RBL2: variants seen among roughly 807,000 people sequenced by gnomAD.
RBL2 encodes the protein retinoblastoma-like protein 2.
A neutral mutation model predicts 126.0 loss-of-function variants in RBL2; 56 were observed. That is an observed-to-expected ratio of 0.44 (90% CI 0.36 to 0.56). RBL2 has a LOEUF of 0.56. Ranked by LOEUF, RBL2 falls within the 20% of genes least tolerant of loss-of-function variation. The probability of loss-of-function intolerance (pLI) is 0.00; values close to 1 mark genes in which losing one functional copy is unlikely to be tolerated. For missense variants in RBL2, 1,229 were observed against 1,398.2 expected (o/e 0.88, Z 1.93); for synonymous variants, 454 against 478.5 (o/e 0.95, Z 0.67).
At chr16:53,437,400 A>C (rs2057969032) in intron 1 of RBL2, among the ~76,000 whole-genome samples, 1 of 152,126 alleles carries the variant, frequency 6.6e-6, no homozygotes, top group Non-Finnish European at 1.5e-5. Context: ...AAAAAGGAAG[A>C]ATTTCCAGTT....
chr16:53,490,070 C>G (rs1479654827), intron 21 of RBL2, 60 bp from the exon 22 acceptor site: 2 of 1,307,500 alleles, frequency 1.5e-6, no homozygotes, highest in East Asian at 2.4e-5. Flanking sequence ...GATTCTTTGA[C>G]TTAATACTGA....
chr16:53,442,751 CT>C lies in RBL2; in HGVS notation c.467del (p.Phe156SerfsTer6). 6.2e-7 allele frequency: 1 copy of C among 1,613,344 alleles called. No individual in the cohort carries two copies. Among genetic ancestry groups the C allele is most frequent in the Non-Finnish European group, 8.5e-7 (1 of 1,179,336 alleles). ...RERTERLERN[F>X]TVSAVIFKKY... ...AACGTACTGAGAGATTAGAAAGAAA[CT>C]TCACTGTTTCTGCTGTAATTTTTAA... On this transcript the variant is annotated frameshift_variant, in exon 3 of 22. Transcript: ENST00000262133. LOFTEE classifies it high-confidence loss of function.
At chr16:53,478,112 A>C (rs368937615) in intron 17 of RBL2, among the ~76,000 whole-genome samples, 1 of 152,096 alleles carries the variant, frequency 6.6e-6, no homozygotes, top group East Asian at 1.9e-4. Context: ...TTAATACTGG[A>C]TTCTTAGTTT....
Position 53,451,740 on chromosome 16 carries a change from T to G in RBL2, c.675T>G (p.Ser225=), listed in dbSNP as rs201324508. The part of the protein sequence containing the change: ...FPMISDDLVN[S]YHLLLCALDL... ...TGATTAGTGATGATTTGGTCAATTC[T>G]TATCACCTGCTGCTGTGTGCTTTGG... Residue 225 remains serine, a synonymous_variant, in exon 5 of 22, where the codon TCT becomes TCG. Coordinates refer to ENST00000262133, the MANE Select transcript of RBL2 (RefSeq NM_005611.4). 2.5e-6 allele frequency: 4 copies of G among 1,613,636 alleles called. No individual in the cohort carries two copies. The highest frequency in any genetic ancestry group is 3.4e-6 in the Non-Finnish European group (4 of 1,179,592).
intron 17 of RBL2, 114 bp downstream of exon 17, chr16:53,471,036 G>A (rs776373524): frequency 1.8e-5 from 20 of 1,116,130 alleles, no homozygotes; most frequent in Admixed American, 7.7e-5. Context: ...TATTTAAAAT[G>A]CACAACTAAA....
chr16:53,440,612 G>A (rs929295446), intron 2 of RBL2, among the ~76,000 whole-genome samples: 1 of 152,048 alleles, frequency 6.6e-6, no homozygotes, highest in African/African-American at 2.4e-5. Context: ...AGGGTGCAGG[G>A]GCGTGATCTC....
At chr16:53,466,292 A>G (rs2058271793) in intron 13 of RBL2, among the ~76,000 whole-genome samples, 1 of 152,096 alleles carries the variant, frequency 6.6e-6, no homozygotes, top group Non-Finnish European at 1.5e-5. Context: ...CAGTGGTCCA[A>G]CCTTTTTGGC....
At chr16:53,488,808 T>C (rs1961277436) in intron 21 of RBL2, 3 of 151,868 alleles carry the variant, frequency 2.0e-5, no homozygotes, top group Admixed American at 2.0e-4. Context: ...CAGTAAACAG[T>C]GTAAGAAATA....
At chr16:53,451,479 C>T (rs919089054) in intron 4 of RBL2, among the ~76,000 whole-genome samples, 2 of 152,032 alleles carry the variant, frequency 1.3e-5, no homozygotes, top group Non-Finnish European at 2.9e-5. Flanking sequence ...GTACTCCAGC[C>T]TGGGTGACCC....
At chr16:53,468,917 G>A (rs1158986756) in intron 14 of RBL2, among the ~76,000 whole-genome samples, 1 of 152,134 alleles carries the variant, frequency 6.6e-6, no homozygotes, top group Non-Finnish European at 1.5e-5. Flanking sequence ...CTTAAAAATG[G>A]TTGAATGGTA....
intron 5 of RBL2, among the ~76,000 whole-genome samples, chr16:53,452,857 A>G (rs915200373): frequency 5.9e-5 from 9 of 151,952 alleles, no homozygotes; most frequent in African/African-American, 1.7e-4. Flanking sequence ...TTCAGTATAG[A>G]TGAGGTTTCG....
Position 53,459,491 on chromosome 16 carries a change from G to A in RBL2, c.1220G>A (p.Arg407Lys). 6.2e-7 allele frequency: 1 copy of A among 1,613,234 alleles called. No individual in the cohort carries two copies. Among genetic ancestry groups the A allele is most frequent in the Non-Finnish European group, 8.5e-7 (1 of 1,179,686 alleles). Residue 407 changes from arginine to lysine, a missense_variant, in exon 9 of 22, where the codon AGG becomes AAG. By Grantham distance (26) the Arg-to-Lys change is conservative (BLOSUM62 2). Around this residue, in one of 2 missense-constraint regions of RBL2, gnomAD observed 1,070 missense variants for 1,274.3 expected, o/e 0.84. Coordinates refer to ENST00000262133, the MANE Select transcript of RBL2 (RefSeq NM_005611.4). ...LRISTPLTGVRYIKENSPCVT... is the reference protein window; with the variant it reads ...LRISTPLTGVKYIKENSPCVT... ...ATCTCCACACCACTAACTGGTGTTA[G>A]GTACATTAAGGAGAATAGCCCTTGT...
chr16:53,469,712 T>C (rs1180579951), intron 14 of RBL2, among the ~76,000 whole-genome samples: 1 of 152,164 alleles, frequency 6.6e-6, no homozygotes, highest in Non-Finnish European at 1.5e-5. Flanking sequence ...CGTTTTAAAA[T>C]TTTGCTCTCA....
At chr16:53,466,724 T>G (rs1307440528) in intron 13 of RBL2, 2 of 213,426 alleles carry the variant, frequency 9.4e-6, no homozygotes, top group African/African-American at 2.4e-5. Flanking sequence ...GCTCGCATGC[T>G]CACTTGCCTG....
chr16:53,490,391 C>G lies in RBL2; in HGVS notation c.*91C>G. The G allele has an allele frequency of 8.0e-7, 1 of 1,247,112 alleles. No individual in the cohort carries two copies. The highest frequency in any genetic ancestry group is 1.1e-6 in the Non-Finnish European group (1 of 910,382). 77.3% of individuals were successfully genotyped at this position (1,247,112 alleles called of 1,614,324 possible). On this transcript the variant is annotated 3_prime_UTR_variant, in exon 22 of 22. Coordinates refer to ENST00000262133, the MANE Select transcript of RBL2 (RefSeq NM_005611.4). ...TATGGAGCTTTTTTCCTTAATCCAG[C>G]TGATGAGTTACAGCCTGTTAGTAAC...
chr16:53,459,533 C>T lies in RBL2; in HGVS notation c.1262C>T (p.Thr421Ile). The stretch of plus-strand genomic sequence containing the variant: ...AGCCCTTGTGTGACTCCAGTTTCTA[C>T]AGCTACGCATAGCTTGAGTCGTCTT... ...ENSPCVTPVS[T>I]ATHSLSRLHT... The change falls in exon 9 of 22, where the codon ACA becomes ATA. Residue 421 changes from threonine (T) to isoleucine (I), a missense_variant. By Grantham distance (89) the Thr-to-Ile change is moderately conservative (BLOSUM62 -1). Coordinates refer to ENST00000262133, the MANE Select transcript of RBL2 (RefSeq NM_005611.4). 1 of 1,612,180 alleles carries T rather than the reference C, an allele frequency of 6.2e-7. No homozygotes were observed. The highest frequency in any genetic ancestry group is 8.5e-7 in the Non-Finnish European group (1 of 1,179,346).
In RBL2 at chr16:53,460,790, AT is replaced by A. The variant is rs531305984; in HGVS notation, c.1347-945del. ...GTAATTGATTTTTATTCTCTTTATA[AT>A]TTTTTAAACTTGCTTCATTTTCACA... On this transcript the variant is annotated intron_variant, in intron 9 of 21. Transcript: ENST00000262133. Among the ~76,000 whole-genome samples the A allele has an allele frequency of 3.9e-5, 6 of 152,206 alleles. No homozygotes were observed. In the South Asian group the frequency reaches 1.2e-3, roughly 32 times the overall value.
intron 1 of RBL2, among the ~76,000 whole-genome samples, chr16:53,437,837 C>G (rs560242295): frequency 1.3e-5 from 2 of 151,902 alleles, no homozygotes; most frequent in African/African-American, 2.4e-5. Context: ...ACCATCCTGG[C>G]TAACACATTG....
At chr16:53,460,826 T>C (rs1470331890) in intron 9 of RBL2, among the ~76,000 whole-genome samples, 1 of 152,198 alleles carries the variant, frequency 6.6e-6, no homozygotes. Flanking sequence ...AAAGAATATG[T>C]ATATAATTAT....
Sources: gnomAD v4.1 joint callset for allele counts (sites outside exome capture counted in the v4.1 genomes callset) on GRCh38, gnomAD v4.1.1 for gene constraint, gnomAD v4.1.1 regional missense constraint, MANE v1.5 for transcripts, NCBI Gene and HGNC (gene_info 2026-07-23, HGNC 2026-07-21) for gene names.